CRYGS: variants seen among roughly 807,000 people sequenced by gnomAD.
CRYGS encodes crystallin gamma S, also known as gamma-crystallin S.
CRYGS carries 13 observed loss-of-function variants against 21.3 expected under a neutral mutation model. That is an observed-to-expected ratio of 0.61 (90% confidence interval 0.40 to 0.97). The LOEUF is 0.97. CRYGS is among the 50% of genes least tolerant of loss of function. The pLI is 0.00. For missense variants in CRYGS, 205 were observed against 229.7 expected, an observed-to-expected ratio of 0.89 and a Z score of 0.69; for synonymous variants, 67 against 75.0, an observed-to-expected ratio of 0.89 and a Z score of 0.55.
At chr3:186,539,763 T>G in intron 1 of CRYGS, 166 bp from the exon 2 acceptor site, 3 of 750,876 alleles carry the variant, frequency 4.0e-6, no homozygotes, top group Non-Finnish European at 6.3e-6. Flanking sequence ...ACAGACAACT[T>G]CAGTTGTCAA....
chr3:186,544,070 A>G (rs909445339), intron 1 of CRYGS, among the ~76,000 whole-genome samples: 8 of 152,246 alleles, frequency 5.3e-5, no homozygotes, highest in African/African-American at 1.9e-4. Context: ...ATATTTATAA[A>G]TTACCTGTAT....
At chr3:186,539,033 A>C in intron 2 of CRYGS, 65 bp from the exon 3 acceptor site, 1 of 1,568,032 alleles carries the variant, frequency 6.4e-7, no homozygotes, top group Admixed American at 1.7e-5. Flanking sequence ...TCAAGAACTT[A>C]GAGAACAGTA....
intron 1 of CRYGS, chr3:186,540,007 G>T: frequency 4.6e-6 from 1 of 219,192 alleles, no homozygotes. Flanking sequence ...TCAATCCTCT[G>T]TGCCCATCAC....
At chr3:186,539,959 CT>C in intron 1 of CRYGS, 1 of 276,674 alleles carries the variant, frequency 3.6e-6, no homozygotes, top group South Asian at 3.9e-5. Flanking sequence ...TCCTAGCATA[CT>C]TTTTCCAAGG....
chr3:186,544,023 A>G (rs1714127357), intron 1 of CRYGS, among the ~76,000 whole-genome samples: 1 of 152,220 alleles, frequency 6.6e-6, no homozygotes, highest in Non-Finnish European at 1.5e-5. Context: ...TATCAGTTGC[A>G]TAGAATATTA....
intron 1 of CRYGS, among the ~76,000 whole-genome samples, chr3:186,542,500 A>T (rs894672786): frequency 6.6e-6 from 1 of 152,238 alleles, no homozygotes; most frequent in African/African-American, 2.4e-5. Context: ...ATTTTTGGAA[A>T]AATGGCCTAC....
At chr3:186,541,449 G>A (rs1376951845) in intron 1 of CRYGS, among the ~76,000 whole-genome samples, 1 of 151,798 alleles carries the variant, frequency 6.6e-6, no homozygotes, top group Non-Finnish European at 1.5e-5. Flanking sequence ...TAGATATATG[G>A]TACCTCAGTT....
intron 1 of CRYGS, chr3:186,540,153 A>G (rs1018847774): frequency 6.4e-6 from 1 of 155,414 alleles, no homozygotes; most frequent in Non-Finnish European, 1.4e-5. Context: ...AAAATGTATC[A>G]TATCATGTTC....
intron 1 of CRYGS, 35 bp from the exon 2 acceptor site, chr3:186,539,632 A>AAG (rs777626562): frequency 1.1e-5 from 18 of 1,613,214 alleles, no homozygotes; most frequent in Non-Finnish European, 1.5e-5. Context: ...AGAGCTGAGG[A>AAG]GCTGGGTGGC....
intron 1 of CRYGS, among the ~76,000 whole-genome samples, chr3:186,542,551 AG>A (rs1236960265): frequency 1.3e-5 from 2 of 152,254 alleles, no homozygotes; most frequent in Non-Finnish European, 2.9e-5. Context: ...TGAGTATCCC[AG>A]AAGTAATGAA....
rs559532350 is a variant in CRYGS, at chr3:186,542,749, C to A, written c.21+1557G>T. 3.3e-4 allele frequency among the ~76,000 whole-genome samples: 50 copies of A among 152,240 alleles called. 1 individual carries two copies. The South Asian group carries it at 0.01, about 32-fold the overall frequency. ...TCATCTATAAATAAAAAAGAGTACA[C>A]TATTACTACTCTGCAAATCTTTAAA... On this transcript the variant is annotated intron_variant, in intron 1 of 2. Coordinates refer to ENST00000307944, the MANE Select transcript of CRYGS (RefSeq NM_017541.4).
chr3:186,541,172 G>A (rs191197411), intron 1 of CRYGS, among the ~76,000 whole-genome samples: 37 of 152,280 alleles, frequency 2.4e-4, no homozygotes, highest in Admixed American at 6.5e-4. Flanking sequence ...AGGAAGAAAC[G>A]AAGAATGACT....
At chr3:186,541,416 C>G (rs1013894654) in intron 1 of CRYGS, among the ~76,000 whole-genome samples, 3 of 152,184 alleles carry the variant, frequency 2.0e-5, no homozygotes, top group African/African-American at 7.2e-5. Context: ...CAGTTCCCTT[C>G]CCATCTTAGC....
chr3:186,539,729 G>A (rs1203939112), intron 1 of CRYGS, 132 bp from the exon 2 acceptor site: 14 of 1,050,570 alleles, frequency 1.3e-5, no homozygotes, highest in East Asian at 7.6e-5. Context: ...GTAGCTGTAC[G>A]TCACCTTACA....
chr3:186,544,184 C>A, intron 1 of CRYGS, 122 bp downstream of exon 1: 1 of 772,050 alleles, frequency 1.3e-6, no homozygotes, highest in South Asian at 1.4e-5. Flanking sequence ...TCTTCTCTCT[C>A]AATCCCAGTT....
intron 1 of CRYGS, among the ~76,000 whole-genome samples, chr3:186,541,982 T>C (rs1714080873): frequency 6.6e-6 from 1 of 152,244 alleles, no homozygotes; most frequent in Non-Finnish European, 1.5e-5. Context: ...AATTCATATG[T>C]TCTATTTGCC....
At position 186,538,703 on chromosome 3, in the gene CRYGS, A is replaced by G; in HGVS notation, c.530T>C (p.Val177Ala). 6.2e-7 allele frequency: 1 copy of G among 1,614,196 alleles called. No individual in the cohort carries two copies. Among genetic ancestry groups the G allele is most frequent in the Non-Finnish European group, 8.5e-7 (1 of 1,180,030 alleles). Residue 177 changes from valine (V) to alanine (A), a missense_variant, in exon 3 of 3, where the codon GTG becomes GCG. Transcript: ENST00000307944. ...ATGGCCCCATTCATGTCATTACTCC[A>G]CAATGCGGCGGAAAGACTGGACAGC... Reference protein sequence around the residue: ...SPAVQSFRRIVE With the variant: ...SPAVQSFRRIAE
rs199845533 is a variant in CRYGS at position 186,538,968 on chromosome 3, G to T, written c.265C>A (p.Pro89Thr). Residue 89 changes from proline (P) to threonine (T), a missense_variant and splice_region_variant, in exon 3 of 3, where the codon CCT (proline) becomes ACT (threonine). Coordinates refer to ENST00000307944, the MANE Select transcript of CRYGS (RefSeq NM_017541.4). ...TGAATCTTATACTGGCCTCCACTAG[G>T]CTGAAAAGACACAGGAGAAAATGAA... Reference protein sequence around the residue: ...RLSSCRAVHLPSGGQYKIQIF... With the variant: ...RLSSCRAVHLTSGGQYKIQIF... The T allele has an allele frequency of 4.4e-5, 71 of 1,613,934 alleles. 1 individual carries two copies. The East Asian group carries it at 1.6e-3, about 36-fold the overall frequency.
At chr3:186,540,073 A>G (rs566469462) in intron 1 of CRYGS, 10 of 168,548 alleles carry the variant, frequency 5.9e-5, no homozygotes, top group Non-Finnish European at 1.2e-4. Context: ...GAGGATACAT[A>G]GAGAAAAATA....
Sources: gnomAD v4.1 joint callset for allele counts (sites outside exome capture counted in the v4.1 genomes callset) on GRCh38, gnomAD v4.1.1 for gene constraint, MANE v1.5 for transcripts, NCBI Gene and HGNC (gene_info 2026-07-23, HGNC 2026-07-21) for gene names.